The following CD38 variants were observed in gnomAD, a reference collection of about 807,000 sequenced individuals.
CD38 encodes the protein ADP-ribosyl cyclase/cyclic ADP-ribose hydrolase 1.
CD38 carries 31 observed loss-of-function variants against 36.3 expected under a neutral mutation model. The ratio of observed to expected loss-of-function variants is 0.85; its 90% CI spans 0.64 to 1.15. The LOEUF (loss-of-function observed/expected upper bound fraction) is 1.15, where lower values mean the gene tolerates loss of function less well. CD38 is among the 50% of genes most tolerant of loss of function. The probability of loss-of-function intolerance (pLI) is 0.00; values close to 1 mark genes in which losing one functional copy is unlikely to be tolerated. For synonymous variants in CD38, 131 were observed against 135.2 expected, an observed-to-expected ratio of 0.97 and a Z score of 0.22; for missense variants, 380 against 371.9, an observed-to-expected ratio of 1.02 and a Z score of -0.18.
intron 2 of CD38, among the ~76,000 whole-genome samples, chr4:15,819,632 C>T (rs1358346140): frequency 6.6e-6 from 1 of 151,946 alleles, no homozygotes; most frequent in Non-Finnish European, 1.5e-5. Flanking sequence ...ATAGACCAAA[C>T]AGAAGAAAGG....
At chr4:15,834,495 A>AG (rs1724024199) in intron 4 of CD38, among the ~76,000 whole-genome samples, 193 bp downstream of exon 4, 2 of 152,216 alleles carry the variant, frequency 1.3e-5, no homozygotes, top group Admixed American at 6.5e-5. Flanking sequence ...ACATTCTTAG[A>AG]GGGTCCATGG....
chr4:15,834,620 C>T (rs551350302), intron 4 of CD38, among the ~76,000 whole-genome samples: 10 of 152,228 alleles, frequency 6.6e-5, no homozygotes, highest in Non-Finnish European at 5.9e-5. Context: ...CTGGGACAGT[C>T]GTAACAATCT....
chr4:15,835,449 C>A (rs1440333409), intron 4 of CD38, among the ~76,000 whole-genome samples: 1 of 131,126 alleles, frequency 7.6e-6, no homozygotes, highest in East Asian at 2.3e-4. Context: ...GTGATCTCGG[C>A]TCCCTGCAAC....
In CD38 at chr4:15,816,504, A is replaced by T. The variant is rs758796253; in HGVS notation, c.234-7A>T. 5.7e-6 allele frequency: 9 copies of T among 1,586,960 alleles called. No individual in the cohort carries two copies. The highest frequency in any genetic ancestry group is 1.4e-5 in the African/African-American group (1 of 73,914). ...ATTTATGTTTTATTTTCTGTGTTTTATCTCAGACATGTAGACTGCCAAAGT... is the reference window on the plus strand; with the variant it reads ...ATTTATGTTTTATTTTCTGTGTTTTTTCTCAGACATGTAGACTGCCAAAGT... On this transcript the variant is annotated splice_region_variant and splice_polypyrimidine_tract_variant and intron_variant, in intron 1 of 7. Transcript: ENST00000226279.
intron 1 of CD38, among the ~76,000 whole-genome samples, chr4:15,780,516 T>TCA (rs1178093082): frequency 1.6e-4 from 18 of 112,448 alleles, no homozygotes; most frequent in East Asian, 7.5e-4. Flanking sequence ...ATATTCTCTC[T>TCA]CTCACACACA....
In CD38 at chr4:15,778,572, C is replaced by T. The variant is rs1316800434; in HGVS notation, c.158C>T (p.Pro53Leu). 6 of 1,613,564 alleles carry T rather than the reference C, an allele frequency of 3.7e-6. No individual in the cohort carries two copies. Among genetic ancestry groups the T allele is most frequent in the Middle Eastern group, 1.6e-4 (1 of 6,062 alleles). The change falls in exon 1 of 8, where the codon CCG becomes CTG. Residue 53 changes from proline (P) to leucine (L), a missense_variant. By Grantham distance (98) the Pro-to-Leu change is moderately conservative (BLOSUM62 -3). Transcript: ENST00000226279. This position sits in a 1 kb window ranked among gnomAD's most constrained non-coding sequence, Gnocchi z 4.9. The part of the protein sequence containing the change: ...VPRWRQQWSG[P>L]GTTKRFPETV... ...AGGTGGCGCCAGCAGTGGAGCGGTCCGGGCACCACCAAGCGCTTTCCCGAG... is the reference window on the plus strand; with the variant it reads ...AGGTGGCGCCAGCAGTGGAGCGGTCTGGGCACCACCAAGCGCTTTCCCGAG...
intron 1 of CD38, among the ~76,000 whole-genome samples, chr4:15,780,528 A>ACGCACACACACACACACACACACACACG (rs10545816): frequency 1.1e-3 from 163 of 144,306 alleles, no homozygotes; most frequent in Middle Eastern, 7.1e-3. Context: ...TCACACACAC[A>ACGCACACACACACACACACACACACACG]CACACACACA....
At chr4:15,832,796 G>A (rs546290384) in intron 3 of CD38, among the ~76,000 whole-genome samples, 12 of 152,280 alleles carry the variant, frequency 7.9e-5, no homozygotes, top group African/African-American at 2.6e-4. Context: ...AGCCAGACCC[G>A]TGTTCTTCTC....
chr4:15,791,350 GGT>G (rs1446817134), intron 1 of CD38, among the ~76,000 whole-genome samples: 1 of 55,920 alleles, frequency 1.8e-5, no homozygotes, highest in Non-Finnish European at 3.2e-5. Context: ...GGAGGGAGGT[GGT>G]GGGGGTCAGC....
intron 1 of CD38, among the ~76,000 whole-genome samples, chr4:15,808,804 T>G (rs1402380824): frequency 1.3e-5 from 2 of 152,250 alleles, no homozygotes; most frequent in East Asian, 3.8e-4. Context: ...TTTGGTTCCA[T>G]CATGGTGGCT....
chr4:15,852,583 A>T lies in CD38; in HGVS notation c.*3981A>T, dbSNP rs1021037437. 2 of 152,234 alleles carry T rather than the reference A, an allele frequency of 1.3e-5. No individual in the cohort carries two copies. The highest frequency in any genetic ancestry group is 4.8e-5 in the African/African-American group (2 of 41,462). The allele number at this position is 152,234 out of a possible 1,614,324, so 9.4% of individuals were successfully genotyped here. On this transcript the variant is annotated 3_prime_UTR_variant, in exon 8 of 8. Coordinates refer to ENST00000226279, the MANE Select transcript of CD38 (RefSeq NM_001775.4). ...TATAACTTTAAGTCATTTTATCAAC[A>T]CATTGCTAATCCAGATATTTTCCCG... is the stretch of plus-strand genomic sequence containing the variant.
At position 15,822,479 on chromosome 4, in the gene CD38, G is replaced by A. The variant is rs182508689; in HGVS notation, c.364-2402G>A. Among the ~76,000 whole-genome samples the A allele has an allele frequency of 7.9e-5, 12 of 152,274 alleles. 1 individual carries two copies. In the East Asian group the frequency reaches 2.3e-3, roughly 29 times the overall value. The stretch of plus-strand genomic sequence containing the variant: ...GCCCCAAAGCTTCTTAAGCTGATAA[G>A]CAACTTCAGCAAAGTCTCAGGATAC... On this transcript the variant is annotated intron_variant, in intron 2 of 7. Coordinates refer to ENST00000226279, the MANE Select transcript of CD38 (RefSeq NM_001775.4).
At chr4:15,808,839 C>G (rs1723401521) in intron 1 of CD38, among the ~76,000 whole-genome samples, 2 of 152,192 alleles carry the variant, frequency 1.3e-5, no homozygotes, top group Admixed American at 1.3e-4. Flanking sequence ...GGAAAAAGAG[C>G]TATTCAAGAA....
intron 2 of CD38, among the ~76,000 whole-genome samples, chr4:15,822,534 C>T (rs1723760292): frequency 6.6e-6 from 1 of 152,084 alleles, no homozygotes; most frequent in Non-Finnish European, 1.5e-5. Context: ...CACAAGCATT[C>T]CTGTACACCA....
chr4:15,821,139 A>G (rs1280917529), intron 2 of CD38, among the ~76,000 whole-genome samples: 1 of 152,218 alleles, frequency 6.6e-6, no homozygotes, highest in Non-Finnish European at 1.5e-5. Context: ...CTTTGAAACT[A>G]ATAGGAAAAA....
At chr4:15,804,919 T>C (rs1723309489) in intron 1 of CD38, among the ~76,000 whole-genome samples, 1 of 152,180 alleles carries the variant, frequency 6.6e-6, no homozygotes, top group African/African-American at 2.4e-5. Flanking sequence ...GAGAAAATTT[T>C]GTACATTACC....
chr4:15,833,399 T>A (rs546243063), intron 3 of CD38, among the ~76,000 whole-genome samples: 65 of 152,356 alleles, frequency 4.3e-4, no homozygotes, highest in African/African-American at 1.4e-3. Flanking sequence ...ATATATACTT[T>A]AAAGCACCTT....
chr4:15,793,431 A>G, intron 1 of CD38, among the ~76,000 whole-genome samples: 1 of 152,046 alleles, frequency 6.6e-6, no homozygotes, highest in Non-Finnish European at 1.5e-5. Flanking sequence ...TGACATTAAT[A>G]TAATTATGTA....
chr4:15,847,483 G>A (rs893602442), intron 7 of CD38, among the ~76,000 whole-genome samples: 16 of 95,504 alleles, frequency 1.7e-4, no homozygotes, highest in South Asian at 8.8e-4. Context: ...TGGGTGCAGC[G>A]CACCAGCATG....
Sources: allele counts gnomAD v4.1 joint callset (sites outside exome capture counted in the v4.1 genomes callset), GRCh38; gene constraint gnomAD v4.1.1; non-coding constraint Gnocchi (gnomAD v3.1); transcripts MANE v1.5; gene names NCBI Gene and HGNC (gene_info 2026-07-23, HGNC 2026-07-21).